CSMD1: variants seen among roughly 807,000 people sequenced by gnomAD.
The protein encoded by CSMD1 is CUB and Sushi multiple domains 1.
In CSMD1, 213 loss-of-function variants were observed where a neutral mutation model predicts 417.5. That is an observed-to-expected ratio of 0.51 (90% CI 0.46 to 0.57). The LOEUF (loss-of-function observed/expected upper bound fraction) is 0.57. CSMD1 is among the 20% of genes least tolerant of loss of function. CSMD1 has a pLI of 0.00. For synonymous variants in CSMD1, 2,862 were observed against 1,736.8 expected, an observed-to-expected ratio of 1.65 and a Z score of -16.11; for missense variants, 6,923 against 4,529.7, an observed-to-expected ratio of 1.53 and a Z score of -15.17.
chr8:4,437,543 T>C (rs965646288), intron 2 of CSMD1, among the ~76,000 whole-genome samples: 6 of 152,344 alleles, frequency 3.9e-5, no homozygotes, highest in African/African-American at 1.2e-4. Flanking sequence ...ATATTTATAT[T>C]ACAGTTTCTG....
chr8:3,480,254 C>G (rs958490832), intron 11 of CSMD1, among the ~76,000 whole-genome samples: 2 of 152,050 alleles, frequency 1.3e-5, no homozygotes, highest in South Asian at 2.1e-4. Flanking sequence ...CCCTACTACT[C>G]AGGAGGTTGA....
At chr8:4,021,481 T>C (rs904414880) in intron 4 of CSMD1, among the ~76,000 whole-genome samples, 1 of 152,194 alleles carries the variant, frequency 6.6e-6, no homozygotes, top group African/African-American at 2.4e-5. Context: ...CGTGTGGCAG[T>C]TGAATCCGCT....
intron 69 of CSMD1, among the ~76,000 whole-genome samples, chr8:2,941,803 C>T (rs890192551): frequency 7.2e-5 from 11 of 152,184 alleles, no homozygotes; most frequent in African/African-American, 2.7e-4. Context: ...CTATCAATCA[C>T]AGATTCACAG....
chr8:3,012,891 T>G (rs987207171), intron 52 of CSMD1, among the ~76,000 whole-genome samples: 2 of 152,134 alleles, frequency 1.3e-5, no homozygotes, highest in African/African-American at 4.8e-5. Context: ...AAGAGATAAT[T>G]GAATCATGGG....
chr8:4,609,789 T>C (rs558731920), intron 2 of CSMD1, among the ~76,000 whole-genome samples: 1 of 152,102 alleles, frequency 6.6e-6, no homozygotes, highest in South Asian at 2.1e-4. Context: ...AACAAACAAA[T>C]CCAGATTATG....
chr8:3,451,292 T>C (rs1202711030), intron 12 of CSMD1, among the ~76,000 whole-genome samples: 2 of 152,214 alleles, frequency 1.3e-5, no homozygotes, highest in Non-Finnish European at 2.9e-5. Context: ...GGTAGTTTCT[T>C]TTGCTGCACA....
chr8:3,789,905 G>A (rs1799641132), intron 5 of CSMD1, among the ~76,000 whole-genome samples: 1 of 151,832 alleles, frequency 6.6e-6, no homozygotes, highest in African/African-American at 2.4e-5. Flanking sequence ...CTAATTTTTT[G>A]TATTTTCAGT....
intron 50 of CSMD1, among the ~76,000 whole-genome samples, chr8:3,034,919 G>T (rs901119240): frequency 1.3e-5 from 2 of 152,096 alleles, no homozygotes; most frequent in African/African-American, 2.4e-5. Flanking sequence ...GTGAGCCAGC[G>T]GCACTGTGGA....
intron 2 of CSMD1, among the ~76,000 whole-genome samples, chr8:4,575,548 C>A (rs576880839): frequency 6.6e-6 from 1 of 152,226 alleles, no homozygotes; most frequent in Non-Finnish European, 1.5e-5. Flanking sequence ...ACCTCTTGGC[C>A]ATCAAACTCA....
chr8:3,383,731 G>C (rs1284843414), intron 18 of CSMD1, among the ~76,000 whole-genome samples: 1 of 151,818 alleles, frequency 6.6e-6, no homozygotes, highest in African/African-American at 2.4e-5. Flanking sequence ...AAACGCATGT[G>C]ACCCAATAGA....
At chr8:3,459,621 C>G (rs922729173) in intron 12 of CSMD1, among the ~76,000 whole-genome samples, 2 of 152,118 alleles carry the variant, frequency 1.3e-5, no homozygotes, top group African/African-American at 4.8e-5. Flanking sequence ...GCACCCACCA[C>G]TGAAGGGTAA....
intron 52 of CSMD1, among the ~76,000 whole-genome samples, chr8:3,001,491 G>A (rs917552372): frequency 6.6e-6 from 1 of 152,108 alleles, no homozygotes; most frequent in African/African-American, 2.4e-5. Flanking sequence ...GGGTTTTGGA[G>A]TCACAAGAAG....
intron 4 of CSMD1, among the ~76,000 whole-genome samples, chr8:4,000,759 T>C (rs1025425669): frequency 6.6e-6 from 1 of 152,002 alleles, no homozygotes; most frequent in Non-Finnish European, 1.5e-5. Flanking sequence ...ATTTAATATT[T>C]AGATTTTATT....
intron 50 of CSMD1, among the ~76,000 whole-genome samples, chr8:3,042,618 G>A (rs1241654745): frequency 6.6e-6 from 1 of 152,074 alleles, no homozygotes; most frequent in Non-Finnish European, 1.5e-5. Context: ...CTTCAGTGCT[G>A]ACTCCATCAT....
chr8:4,316,390 T>A (rs981916033), intron 3 of CSMD1, among the ~76,000 whole-genome samples: 1 of 152,176 alleles, frequency 6.6e-6, no homozygotes, highest in Non-Finnish European at 1.5e-5. Flanking sequence ...CCTCTGTTAA[T>A]TCTTGGACTT....
chr8:4,429,714 G>A (rs898467407), intron 2 of CSMD1, among the ~76,000 whole-genome samples: 1 of 152,076 alleles, frequency 6.6e-6, no homozygotes, highest in Non-Finnish European at 1.5e-5. Context: ...CTCCATGAGG[G>A]CAGAAGTGGG....
chr8:4,964,557 C>A (rs547280178), intron 1 of CSMD1, among the ~76,000 whole-genome samples: 144 of 131,610 alleles, frequency 1.1e-3, no homozygotes, highest in African/African-American at 3.8e-3. Flanking sequence ...AAAAGGATGA[C>A]TAGCAGGAGC....
chr8:3,093,137 G>T (rs1320122524), intron 47 of CSMD1, among the ~76,000 whole-genome samples: 1 of 152,138 alleles, frequency 6.6e-6, no homozygotes, highest in Non-Finnish European at 1.5e-5. Context: ...GCTTGGAAAT[G>T]TGACTTTAAA....
intron 19 of CSMD1, among the ~76,000 whole-genome samples, chr8:3,368,874 A>G (rs1809772302): frequency 6.6e-6 from 1 of 152,210 alleles, no homozygotes; most frequent in South Asian, 2.1e-4. Flanking sequence ...AAATACAAGG[A>G]AAGTACAAAA....
Sources: allele counts gnomAD v4.1 joint callset (sites outside exome capture counted in the v4.1 genomes callset), GRCh38; gene constraint gnomAD v4.1.1; transcripts MANE v1.5; gene names NCBI Gene and HGNC (gene_info 2026-07-23, HGNC 2026-07-21).